AP1G1: variants seen among roughly 807,000 people sequenced by gnomAD.
AP1G1 encodes adaptor related protein complex 1 subunit gamma 1, also known as AP-1 complex subunit gamma-1.
A neutral mutation model predicts 108.3 loss-of-function variants in AP1G1; 7 were observed. That is an observed-to-expected ratio of 0.06 (90% CI 0.04 to 0.12). AP1G1 has a LOEUF of 0.12. Among genes scored for constraint, AP1G1 ranks in the 10% least tolerant of loss-of-function variants. AP1G1 has a pLI of 1.00. For synonymous variants in AP1G1, 379 were observed against 353.5 expected (o/e 1.07, Z -0.81); for missense variants, 756 against 1,010.7 (o/e 0.75, Z 3.42).
At chr16:71,753,267 A>G (rs2030602842) in intron 13 of AP1G1, among the ~76,000 whole-genome samples, 1 of 152,202 alleles carries the variant, frequency 6.6e-6, no homozygotes, top group Non-Finnish European at 1.5e-5. Flanking sequence ...CCCATCCAAA[A>G]CAGGATTTCA....
At chr16:71,797,681 C>T (rs2032635702) in intron 1 of AP1G1, among the ~76,000 whole-genome samples, 1 of 152,020 alleles carries the variant, frequency 6.6e-6, no homozygotes, top group Admixed American at 6.6e-5. Context: ...CGCCTGTGAC[C>T]CCAGCTACTC....
At chr16:71,784,078 C>G (rs1463528312) in intron 2 of AP1G1, among the ~76,000 whole-genome samples, 2 of 152,092 alleles carry the variant, frequency 1.3e-5, no homozygotes, top group African/African-American at 2.4e-5. Context: ...TTAAGAGACT[C>G]CTAGACAAAA....
chr16:71,792,240 T>C (rs556762505), intron 1 of AP1G1, among the ~76,000 whole-genome samples: 6 of 152,214 alleles, frequency 3.9e-5, no homozygotes, highest in Non-Finnish European at 7.4e-5. Flanking sequence ...GTATGGCAGG[T>C]TGAAAGACCG....
intron 1 of AP1G1, among the ~76,000 whole-genome samples, chr16:71,794,949 A>G (rs961029208): frequency 1.4e-5 from 2 of 145,266 alleles, no homozygotes; most frequent in Non-Finnish European, 3.0e-5. Context: ...GTATCCTCCT[A>G]TAAGAATACA....
At chr16:71,785,404 T>C (rs1411281744) in intron 2 of AP1G1, among the ~76,000 whole-genome samples, 2 of 151,482 alleles carry the variant, frequency 1.3e-5, no homozygotes, top group Non-Finnish European at 2.9e-5. Flanking sequence ...GGTGAAACCC[T>C]GTCTCTACCA....
chr16:71,785,536 T>A (rs139059634), intron 2 of AP1G1, among the ~76,000 whole-genome samples: 1 of 137,248 alleles, frequency 7.3e-6, no homozygotes, highest in African/African-American at 2.8e-5. Context: ...GATTGTGCCA[T>A]TGTACTCCAG....
intron 12 of AP1G1, 158 bp downstream of exon 12, chr16:71,755,861 G>C (rs1270380262): frequency 1.4e-5 from 10 of 736,426 alleles, no homozygotes; most frequent in Non-Finnish European, 2.0e-5. Flanking sequence ...GGCCAGGCTG[G>C]TCTCGAACTC....
chr16:71,743,945 C>CAA (rs35804839), intron 19 of AP1G1, among the ~76,000 whole-genome samples: 15 of 87,202 alleles, frequency 1.7e-4, no homozygotes, highest in African/African-American at 5.4e-4. Flanking sequence ...GACTCTGTCT[C>CAA]AAAAAAAAAA....
At chr16:71,776,520 T>C (rs1337805891) in intron 2 of AP1G1, among the ~76,000 whole-genome samples, 2 of 152,200 alleles carry the variant, frequency 1.3e-5, no homozygotes, top group African/African-American at 4.8e-5. Flanking sequence ...AGCTAAAATA[T>C]TATCAAACAA....
At chr16:71,789,155 T>C in intron 2 of AP1G1, 124 bp downstream of exon 2, 1 of 869,298 alleles carries the variant, frequency 1.2e-6, no homozygotes. Flanking sequence ...AATCTTACCC[T>C]CAGTTCCACA....
In AP1G1 at chr16:71,731,878, G is replaced by C. The variant is rs187863231; in HGVS notation, c.*1180C>G. On this transcript the variant is annotated 3_prime_UTR_variant, in exon 23 of 23. Coordinates refer to ENST00000299980, the MANE Select transcript of AP1G1 (RefSeq NM_001128.6). ...AACACCATAAAGTACAATATGGAAA[G>C]ATTTCTTTAACCGTGTGGTCTTTAT... 6.6e-6 allele frequency: 1 copy of C among 152,666 alleles called. No homozygotes were observed. The highest frequency in any genetic ancestry group is 2.4e-5 in the African/African-American group (1 of 41,466). The allele number at this position is 152,666 out of a possible 1,614,324, so 9.5% of individuals were successfully genotyped here.
At chr16:71,791,789 G>GT (rs1440913197) in intron 1 of AP1G1, among the ~76,000 whole-genome samples, 3 of 136,682 alleles carry the variant, frequency 2.2e-5, no homozygotes, top group South Asian at 2.3e-4. Context: ...TTTTGGTGGA[G>GT]TTTCGCTCGT....
chr16:71,766,979 C>T (rs1340212137), intron 6 of AP1G1, among the ~76,000 whole-genome samples: 1 of 152,122 alleles, frequency 6.6e-6, no homozygotes, highest in Non-Finnish European at 1.5e-5. Flanking sequence ...CCTTTTAAAA[C>T]CACTTTAAAT....
chr16:71,758,793 C>CT lies in AP1G1; in HGVS notation c.1088+14dup, dbSNP rs2030935185. On this transcript the variant is annotated intron_variant, in intron 11 of 22. Transcript: ENST00000299980. ...ACCAAAAACACTAGACTGAGAAAGG[C>CT]TCTCAGTTTGTTACCGTTTTATTGA... 4 of 1,470,178 alleles carry CT rather than the reference C, an allele frequency of 2.7e-6. No individual in the cohort carries two copies. The highest frequency in any genetic ancestry group is 1.7e-4 in the Middle Eastern group (1 of 5,778). 91.1% of individuals were successfully genotyped at this position (1,470,178 alleles called of 1,614,324 possible).
At chr16:71,796,232 G>T (rs186037369) in intron 1 of AP1G1, among the ~76,000 whole-genome samples, 7 of 152,196 alleles carry the variant, frequency 4.6e-5, no homozygotes, top group Admixed American at 4.6e-4. Context: ...AAGTAAGACC[G>T]TCTCAAAAAT....
intron 1 of AP1G1, chr16:71,806,586 G>A: frequency 1.4e-6 from 1 of 700,280 alleles, no homozygotes; most frequent in South Asian, 1.7e-5. Flanking sequence ...GAAAAACACT[G>A]AGTTAACTAA....
At chr16:71,748,105 G>A (rs2030280131) in intron 16 of AP1G1, 146 bp downstream of exon 16, 5 of 809,884 alleles carry the variant, frequency 6.2e-6, no homozygotes, top group Non-Finnish European at 5.8e-6. Context: ...CTGTGACTGT[G>A]GAGAAATAAG....
chr16:71,754,206 AGAG>A (rs2030651464), intron 12 of AP1G1, among the ~76,000 whole-genome samples: 1 of 151,830 alleles, frequency 6.6e-6, no homozygotes, highest in African/African-American at 2.4e-5. Context: ...GAGAAAAGAA[AGAG>A]AAGAAACAGA....
At chr16:71,805,813 T>C (rs1341409247) in intron 1 of AP1G1, among the ~76,000 whole-genome samples, 3 of 152,064 alleles carry the variant, frequency 2.0e-5, no homozygotes, top group African/African-American at 4.8e-5. Context: ...GGCAAGAGGA[T>C]TGCTTGAGCC....
Sources: allele counts gnomAD v4.1 joint callset (sites outside exome capture counted in the v4.1 genomes callset), GRCh38; gene constraint gnomAD v4.1.1; transcripts MANE v1.5; gene names NCBI Gene and HGNC (gene_info 2026-07-23, HGNC 2026-07-21).